The following NPHP4 variants were observed in gnomAD, a reference collection of about 807,000 sequenced individuals.
The protein encoded by NPHP4 is nephrocystin 4, also known as nephrocystin-4.
In NPHP4, 151 loss-of-function variants were observed where a neutral mutation model predicts 155.8. The observed-to-expected ratio is 0.97, with a 90% CI of 0.85 to 1.11. The LOEUF (loss-of-function observed/expected upper bound fraction) is 1.11. Among genes scored for constraint, NPHP4 ranks in the 50% least tolerant of loss-of-function variants. The pLI, the probability that NPHP4 is intolerant of heterozygous loss-of-function variation, is 0.00. For missense variants in NPHP4, 1,956 were observed against 1,925.7 expected (o/e 1.02, Z -0.29); for synonymous variants, 845 against 816.8 (o/e 1.03, Z -0.59).
At chr1:5,932,889 G>C (rs927152398) in intron 10 of NPHP4, among the ~76,000 whole-genome samples, 1 of 152,204 alleles carries the variant, frequency 6.6e-6, no homozygotes, top group Non-Finnish European at 1.5e-5. Flanking sequence ...TTGCTGCAAA[G>C]TGTGTACACA....
chr1:5,951,583 C>G (rs1263361365), intron 7 of NPHP4, among the ~76,000 whole-genome samples: 2 of 152,196 alleles, frequency 1.3e-5, no homozygotes, highest in Non-Finnish European at 2.9e-5. Context: ...TCCAGCAGAA[C>G]CAGGCAATCT....
chr1:5,879,224 G>A (rs538043352), intron 19 of NPHP4: 107 of 247,614 alleles, frequency 4.3e-4, no homozygotes, highest in Non-Finnish European at 5.5e-4. Flanking sequence ...ACACAAAAGC[G>A]CACGGCAGCT....
intron 6 of NPHP4, among the ~76,000 whole-genome samples, chr1:5,956,067 G>GGT (rs1553190535): frequency 8.0e-5 from 12 of 149,990 alleles, no homozygotes; most frequent in African/African-American, 2.7e-4. Context: ...GCTGGGGGGG[G>GGT]GGGGTGCAGG....
chr1:5,873,417 A>C, intron 22 of NPHP4, 82 bp from the exon 23 acceptor site: 1 of 1,135,318 alleles, frequency 8.8e-7, no homozygotes, highest in Non-Finnish European at 1.3e-6. Context: ...CACCACTGCC[A>C]CCCAGCTGGG....
rs549101399 is a variant in NPHP4, at chr1:5,975,554, G to A, written c.279+2716C>T. On this transcript the variant is annotated intron_variant, in intron 3 of 29. Coordinates refer to ENST00000378156, the MANE Select transcript of NPHP4 (RefSeq NM_015102.5). ...AAGGACTATGTTCCACTAGTCCCCCGGGCCCATCCCCAGCCTCAACAGGAG... is the reference window on the plus strand; with the variant it reads ...AAGGACTATGTTCCACTAGTCCCCCAGGCCCATCCCCAGCCTCAACAGGAG... 9.9e-5 allele frequency among the ~76,000 whole-genome samples: 15 copies of A among 152,258 alleles called. 1 individual carries two copies. The South Asian group carries it at 1.0e-3, about 11-fold the overall frequency.
intron 13 of NPHP4, among the ~76,000 whole-genome samples, chr1:5,906,373 C>T (rs1644915830): frequency 6.6e-6 from 1 of 152,204 alleles, no homozygotes; most frequent in Non-Finnish European, 1.5e-5. Flanking sequence ...TGGGAATGTG[C>T]TCTCTCAAGC....
intron 10 of NPHP4, among the ~76,000 whole-genome samples, chr1:5,930,438 G>C (rs1646216348): frequency 3.9e-5 from 6 of 152,134 alleles, no homozygotes; most frequent in Admixed American, 3.9e-4. Flanking sequence ...CTAACGCTAA[G>C]CATATTTGAG....
At chr1:5,992,176 T>G (rs1299246453) in intron 1 of NPHP4, 68 bp downstream of exon 1, 1 of 151,854 alleles carries the variant, frequency 6.6e-6, no homozygotes, top group East Asian at 1.9e-4. Flanking sequence ...CCCCTGTGCC[T>G]CGAGGCCGCG....
At chr1:5,942,685 T>A (rs1646887864) in intron 9 of NPHP4, among the ~76,000 whole-genome samples, 1 of 149,168 alleles carries the variant, frequency 6.7e-6, no homozygotes, top group Admixed American at 6.6e-5. Context: ...CTGGACACGG[T>A]ACTGGAGGAA....
chr1:5,933,672 T>A (rs1039434004), intron 9 of NPHP4, among the ~76,000 whole-genome samples: 1 of 152,206 alleles, frequency 6.6e-6, no homozygotes, highest in East Asian at 1.9e-4. Context: ...GATCTTTCCA[T>A]AGGTTTGTAA....
chr1:5,866,350 G>A, intron 26 of NPHP4, 23 bp downstream of exon 26: 1 of 1,523,004 alleles, frequency 6.6e-7, no homozygotes, highest in Non-Finnish European at 9.1e-7. Flanking sequence ...CCGCCTCCAG[G>A]TCCCCAAAGC....
At chr1:5,992,053 C>T (rs1656454715) in intron 1 of NPHP4, among the ~76,000 whole-genome samples, 191 bp downstream of exon 1, 1 of 152,052 alleles carries the variant, frequency 6.6e-6, no homozygotes, top group African/African-American at 2.4e-5. Flanking sequence ...GCGACTAACG[C>T]GGGGACAGCC....
chr1:5,975,227 T>C (rs1653328906), intron 3 of NPHP4, among the ~76,000 whole-genome samples: 1 of 152,130 alleles, frequency 6.6e-6, no homozygotes, highest in Admixed American at 6.5e-5. Flanking sequence ...GTTAAATAAC[T>C]AGTTAACTAA....
chr1:5,989,533 C>T (rs1268000599), intron 1 of NPHP4, among the ~76,000 whole-genome samples: 1 of 151,378 alleles, frequency 6.6e-6, no homozygotes. Context: ...AGCCTCATTC[C>T]TCCTGTGTTC....
rs535678040 is a variant in NPHP4, at chr1:5,890,193, C to T, written c.2304+675G>A. Among the ~76,000 whole-genome samples the T allele has an allele frequency of 3.9e-5, 6 of 152,264 alleles. No homozygotes were observed. Among genetic ancestry groups the T allele is most frequent in the Non-Finnish European group, 8.8e-5 (6 of 68,008 alleles). On this transcript the variant is annotated intron_variant, in intron 17 of 29. Coordinates refer to ENST00000378156, the MANE Select transcript of NPHP4 (RefSeq NM_015102.5). This position sits in a 1 kb window ranked among gnomAD's most constrained non-coding sequence, Gnocchi z 4.9. ...GGAAATCTCAGAGACTCAGGGGCTGCAATAATGACGCCACATCCTCTCCCA... is the reference window on the plus strand; with the variant it reads ...GGAAATCTCAGAGACTCAGGGGCTGTAATAATGACGCCACATCCTCTCCCA...
At position 5,981,379 on chromosome 1, in the gene NPHP4, C is replaced by T. The variant is rs559101479; in HGVS notation, c.136-2966G>A. On this transcript the variant is annotated intron_variant, in intron 2 of 29. Coordinates refer to ENST00000378156, the MANE Select transcript of NPHP4 (RefSeq NM_015102.5). ...CAGAGTCAACTCTGTGTCATCTGCA[C>T]GGTTCCTAACATATCGTGGTGCCCA... Among the ~76,000 whole-genome samples the T allele has an allele frequency of 5.9e-5, 9 of 152,270 alleles. No individual in the cohort carries two copies. In the South Asian group the frequency reaches 1.2e-3, roughly 21 times the overall value.
intron 1 of NPHP4, among the ~76,000 whole-genome samples, chr1:5,989,196 C>T (rs1179752157): frequency 6.6e-6 from 1 of 152,164 alleles, no homozygotes; most frequent in African/African-American, 2.4e-5. Context: ...CCATGCCAGC[C>T]CAGAGCCCCA....
Position 5,864,067 on chromosome 1 carries a change from C to T in NPHP4, c.3997-34G>A, listed in dbSNP as rs1234314536. ...GGAGGGGACAGGGAGACGCTGCGGCCACTCACGGGAACAGCCACTGGCCCT... is the reference window on the plus strand; with the variant it reads ...GGAGGGGACAGGGAGACGCTGCGGCTACTCACGGGAACAGCCACTGGCCCT... On this transcript the variant is annotated intron_variant, in intron 28 of 29. Coordinates refer to ENST00000378156, the MANE Select transcript of NPHP4 (RefSeq NM_015102.5). 7.5e-6 allele frequency: 12 copies of T among 1,606,784 alleles called. No individual in the cohort carries two copies. The East Asian group carries it at 2.5e-4, about 33-fold the overall frequency.
chr1:5,931,752 A>C (rs9727119), intron 10 of NPHP4, among the ~76,000 whole-genome samples: 28,419 of 147,684 alleles, frequency 0.19, 3,330 homozygotes, highest in African/African-American at 0.31. Flanking sequence ...AAAAAAAAAA[A>C]AAAAAACTTT....
Sources: gnomAD v4.1 joint callset for allele counts (sites outside exome capture counted in the v4.1 genomes callset) on GRCh38, gnomAD v4.1.1 for gene constraint, Gnocchi (gnomAD v3.1) non-coding constraint, MANE v1.5 for transcripts, NCBI Gene and HGNC (gene_info 2026-07-23, HGNC 2026-07-21) for gene names.